The following HDAC5 variants were observed in gnomAD, a reference collection of about 807,000 sequenced individuals.
HDAC5 encodes histone deacetylase 5, also known as antigen NY-CO-9.
A neutral mutation model predicts 133.3 loss-of-function variants in HDAC5; 25 were observed. The ratio of observed to expected loss-of-function variants is 0.19; its 90% CI spans 0.14 to 0.26. The LOEUF is 0.26. HDAC5 is among the 10% of genes least tolerant of loss of function. The probability of loss-of-function intolerance (pLI) is 1.00; values close to 1 mark genes in which losing one functional copy is unlikely to be tolerated. For synonymous variants in HDAC5, 589 were observed against 610.8 expected (o/e 0.96, Z 0.53); for missense variants, 1,041 against 1,460.5 (o/e 0.71, Z 4.68).
chr17:44,091,230 A>G, intron 11 of HDAC5, 40 bp downstream of exon 11: 1 of 1,492,518 alleles, frequency 6.7e-7, no homozygotes, highest in South Asian at 1.2e-5. Context: ...GTTGGTCCTG[A>G]CCTTAGCCCC....
At chr17:44,095,055 A>G (rs1055553264) in intron 3 of HDAC5, among the ~76,000 whole-genome samples, 4 of 152,156 alleles carry the variant, frequency 2.6e-5, no homozygotes, top group Non-Finnish European at 5.9e-5. Flanking sequence ...TCAGCCTCCC[A>G]AAGTGCTGGG....
At chr17:44,114,285 C>T (rs1414377624) in intron 2 of HDAC5, among the ~76,000 whole-genome samples, 2 of 152,226 alleles carry the variant, frequency 1.3e-5, no homozygotes, top group Non-Finnish European at 2.9e-5. Flanking sequence ...CAGACCCCAG[C>T]CCCATGCCAG....
chr17:44,123,531 G>GGGCGGC lies in HDAC5; in HGVS notation c.-223_-218dup. ...GCTGCGGCTCGAGCTCCGGCTTCGC[G>GGGCGGC]GGCGGCGGCGGCAGCAGCGGCGGCG... On this transcript the variant is annotated 5_prime_UTR_variant, in exon 1 of 27. Transcript: ENST00000682912. 2.5e-6 allele frequency: 1 copy of GGGCGGC among 396,462 alleles called. No individual in the cohort carries two copies. The highest frequency in any genetic ancestry group is 4.4e-6 in the Non-Finnish European group (1 of 225,854). The allele number at this position is 396,462 out of a possible 1,614,324, so 24.6% of individuals were successfully genotyped here. A position where few individuals can be genotyped will look rare whatever the true frequency, so the allele number is the denominator to read the frequency against.
At chr17:44,106,606 T>C (rs575977348) in intron 3 of HDAC5, among the ~76,000 whole-genome samples, 147 of 152,252 alleles carry the variant, frequency 9.7e-4, no homozygotes, top group African/African-American at 3.4e-3. Context: ...TTTTTTTTTT[T>C]TGAGGCAAAG....
chr17:44,103,005 G>A (rs2051715840), intron 3 of HDAC5, among the ~76,000 whole-genome samples: 1 of 152,118 alleles, frequency 6.6e-6, no homozygotes, highest in Non-Finnish European at 1.5e-5. Context: ...TAGGTAACTG[G>A]CCTACCCTAG....
rs2051902509 is a variant in HDAC5 at position 44,105,835 on chromosome 17, G to A, written c.94+4894C>T. Among the ~76,000 whole-genome samples, 4 of 152,194 alleles carry A rather than the reference G, an allele frequency of 2.6e-5. No homozygotes were observed. In the South Asian group the frequency reaches 8.3e-4, roughly 31 times the overall value. The stretch of plus-strand genomic sequence containing the variant: ...TGATGACATCTACTGGCTGACTGCT[G>A]GGCCCTGTGACCCATGTCCACACAG... On this transcript the variant is annotated intron_variant, in intron 3 of 26. Transcript: ENST00000682912.
chr17:44,113,647 A>G (rs2052473276), intron 2 of HDAC5, among the ~76,000 whole-genome samples: 1 of 152,144 alleles, frequency 6.6e-6, no homozygotes, highest in Non-Finnish European at 1.5e-5. Context: ...CATGGGGTAC[A>G]TGAGCTTCAC....
rs753942503 is a variant in HDAC5, at chr17:44,092,796, G to C, written c.652C>G (p.His218Asp). The change falls in exon 7 of 27, where the codon CAT (histidine) becomes GAT (aspartate). Residue 218 changes from histidine to aspartate, a missense_variant. This residue lies in a region of HDAC5 where 56 missense variants were observed against 41.3 expected (regional missense o/e 1.36). Transcript: ENST00000682912. ...GGGGAACTCTGGTCCAAAGAAGCAT[G>C]GTGGGCTCCCCTGGGGTGGGGGGGG... ...PQHPKCWGAH[H>D]ASLDQSSPPQ... 1.7e-6 allele frequency: 2 copies of C among 1,143,966 alleles called. No homozygotes were observed. Among genetic ancestry groups the C allele is most frequent in the Non-Finnish European group, 2.4e-6 (2 of 841,622 alleles). 70.9% of individuals were successfully genotyped at this position (1,143,966 alleles called of 1,614,324 possible). A position where few individuals can be genotyped will look rare whatever the true frequency, so the allele number is the denominator to read the frequency against.
chr17:44,080,719 C>G lies in HDAC5; in HGVS notation c.2727+44G>C, dbSNP rs758497928. ...CCGCCAGGTCCCATTGTGCCACCTC[C>G]CAGAGGGGCCAGGAGGGTCTGCATT... On this transcript the variant is annotated intron_variant, in intron 21 of 26. Transcript: ENST00000682912. 3.7e-6 allele frequency: 6 copies of G among 1,613,668 alleles called. No homozygotes were observed. The Admixed American group carries it at 1.0e-4, about 27-fold the overall frequency.
intron 2 of HDAC5, among the ~76,000 whole-genome samples, chr17:44,113,991 A>G (rs1350259591): frequency 6.9e-6 from 1 of 145,376 alleles, no homozygotes; most frequent in Non-Finnish European, 1.5e-5. Flanking sequence ...GCCCATCAGC[A>G]TGGCCTGGGA....
chr17:44,100,506 G>A (rs1184335892), intron 3 of HDAC5, among the ~76,000 whole-genome samples: 2 of 150,190 alleles, frequency 1.3e-5, no homozygotes, highest in Non-Finnish European at 3.0e-5. Flanking sequence ...AGGCCAAGGC[G>A]GGCAGATCAC....
At chr17:44,115,404 C>T (rs1046652237) in intron 2 of HDAC5, among the ~76,000 whole-genome samples, 2 of 152,226 alleles carry the variant, frequency 1.3e-5, no homozygotes, top group African/African-American at 2.4e-5. Context: ...GAAGTGGACA[C>T]CCGCGTGCTC....
rs555611447 is a variant in HDAC5, at chr17:44,098,734, CT to C, written c.95-4901del. ...CTAGCCTGGGTGATAGAGCGAGACC[CT>C]ATCTAAAAAAAAAAAAAAAAAGAGG... On this transcript the variant is annotated intron_variant, in intron 3 of 26. Transcript: ENST00000682912. Among the ~76,000 whole-genome samples, 26 of 87,516 alleles carry C rather than the reference CT, an allele frequency of 3.0e-4. No homozygotes were observed. In the East Asian group the frequency reaches 0.011, roughly 36 times the overall value. The allele number at this position is 87,516 out of a possible 152,430, so 57.4% of individuals were successfully genotyped here.
At chr17:44,084,064 G>T (rs573683022) in intron 16 of HDAC5, among the ~76,000 whole-genome samples, 5 of 151,762 alleles carry the variant, frequency 3.3e-5, no homozygotes, top group Non-Finnish European at 5.9e-5. Flanking sequence ...GACAGAGGTC[G>T]CAGTGAGCTG....
chr17:44,114,474 G>A (rs951738105), intron 2 of HDAC5, among the ~76,000 whole-genome samples: 8 of 152,206 alleles, frequency 5.3e-5, no homozygotes, highest in Non-Finnish European at 1.0e-4. Context: ...CCTGGAAAAG[G>A]GAAAGAGAGA....
At chr17:44,099,191 T>G (rs942524947) in intron 3 of HDAC5, among the ~76,000 whole-genome samples, 2 of 152,108 alleles carry the variant, frequency 1.3e-5, no homozygotes, top group African/African-American at 4.8e-5. Context: ...GGTCCTTCCC[T>G]CACCTGCCAG....
chr17:44,080,347 C>T, intron 22 of HDAC5, 54 bp downstream of exon 22: 1 of 1,576,782 alleles, frequency 6.3e-7, no homozygotes, highest in Non-Finnish European at 8.7e-7. Flanking sequence ...GCCCCTCCCA[C>T]TGCAGGGCCC....
rs374338360 is a variant in HDAC5 at position 44,092,702 on chromosome 17, C to T, written c.746G>A (p.Arg249Gln). Residue 249 changes from arginine (R) to glutamine (Q), a missense_variant, in exon 7 of 27, where the codon CGA (arginine) becomes CAA (glutamine). Coordinates refer to ENST00000682912, the MANE Select transcript of HDAC5 (RefSeq NM_005474.5). ...TGTTTTGCGGAGGGGGAAGTCGTCT[C>T]GACTGTCGTAGGGCCCAGGCAAAGG... ...KLPLPGPYDS[R>Q]DDFPLRKTAS... 10 of 1,514,350 alleles carry T rather than the reference C, an allele frequency of 6.6e-6. No homozygotes were observed. In the African/African-American group the frequency reaches 7.0e-5, roughly 11 times the overall value. The allele number at this position is 1,514,350 out of a possible 1,614,324, so 93.8% of individuals were successfully genotyped here.
intron 21 of HDAC5, 109 bp downstream of exon 21, chr17:44,080,654 C>A: frequency 6.5e-7 from 1 of 1,530,380 alleles, no homozygotes; most frequent in Non-Finnish European, 9.0e-7. Flanking sequence ...GGAGCCCAGA[C>A]TCCCCAGGTA....
Sources: gnomAD v4.1 joint callset for allele counts (sites outside exome capture counted in the v4.1 genomes callset) on GRCh38, gnomAD v4.1.1 for gene constraint, gnomAD v4.1.1 regional missense constraint, MANE v1.5 for transcripts, NCBI Gene and HGNC (gene_info 2026-07-23, HGNC 2026-07-21) for gene names.